DENND4A: variants seen among roughly 807,000 people sequenced by gnomAD.
DENND4A encodes C-myc promoter-binding protein.
Under a neutral mutation model 199.3 loss-of-function variants are expected in DENND4A, and 70 were observed. The observed-to-expected ratio is 0.35, with a 90% CI of 0.29 to 0.43. DENND4A has a LOEUF of 0.43. DENND4A is among the 20% of genes least tolerant of loss of function. The pLI, the probability that DENND4A is intolerant of heterozygous loss-of-function variation, is 1.00. For missense variants in DENND4A, 1,723 were observed against 2,255.8 expected, an observed-to-expected ratio of 0.76 and a Z score of 4.78; for synonymous variants, 686 against 766.9, an observed-to-expected ratio of 0.89 and a Z score of 1.74.
At chr15:65,702,031 G>A in intron 17 of DENND4A, 141 bp from the exon 18 acceptor site, 4 of 1,200,724 alleles carry the variant, frequency 3.3e-6, no homozygotes, top group East Asian at 2.3e-5. Context: ...GGGAGGGCAA[G>A]GCAGGTGAAG....
chr15:65,719,148 A>G (rs1259879811), intron 12 of DENND4A: 1 of 151,798 alleles, frequency 6.6e-6, no homozygotes, highest in African/African-American at 2.4e-5. Context: ...AAACATACAT[A>G]TTTTATATAA....
chr15:65,707,180 G>A (rs986070434), intron 14 of DENND4A, among the ~76,000 whole-genome samples: 2 of 151,798 alleles, frequency 1.3e-5, no homozygotes, highest in African/African-American at 2.4e-5. Flanking sequence ...CTAGATACTC[G>A]ATAGCAAGGT....
chr15:65,682,519 T>C (rs2076614748), intron 23 of DENND4A, among the ~76,000 whole-genome samples: 1 of 152,228 alleles, frequency 6.6e-6, no homozygotes, highest in Admixed American at 6.5e-5. Flanking sequence ...AAGGGAATAT[T>C]GTGGCTGATG....
At chr15:65,728,360 T>G (rs2075867171) in intron 11 of DENND4A, among the ~76,000 whole-genome samples, 1 of 152,218 alleles carries the variant, frequency 6.6e-6, no homozygotes, top group South Asian at 2.1e-4. Context: ...GAAATATTAA[T>G]CAAAGAATGG....
chr15:65,779,864 G>A (rs545669548), intron 1 of DENND4A, among the ~76,000 whole-genome samples: 18 of 152,232 alleles, frequency 1.2e-4, no homozygotes, highest in African/African-American at 4.3e-4. Flanking sequence ...TGGCCAGGCT[G>A]GGATTACAGG....
chr15:65,683,453 C>G (rs1404167403), intron 23 of DENND4A, among the ~76,000 whole-genome samples: 1 of 152,014 alleles, frequency 6.6e-6, no homozygotes, highest in Non-Finnish European at 1.5e-5. Flanking sequence ...TTTCTAGTTT[C>G]TTAAGGCAGA....
chr15:65,783,123 CA>C (rs889609669), intron 1 of DENND4A, among the ~76,000 whole-genome samples: 4 of 152,002 alleles, frequency 2.6e-5, no homozygotes, highest in African/African-American at 9.7e-5. Flanking sequence ...ATACAGATGT[CA>C]GGGGAAAAGG....
chr15:65,662,386 A>T (rs1011017105), intron 32 of DENND4A, among the ~76,000 whole-genome samples: 2 of 151,992 alleles, frequency 1.3e-5, no homozygotes, highest in Non-Finnish European at 2.9e-5. Context: ...TTCAACAGAA[A>T]TTTTTTTTGG....
At chr15:65,694,537 A>G (rs1230456089) in intron 22 of DENND4A, among the ~76,000 whole-genome samples, 1 of 152,188 alleles carries the variant, frequency 6.6e-6, no homozygotes, top group East Asian at 1.9e-4. Context: ...TTCTACTCCC[A>G]TATATGTATA....
At chr15:65,725,690 A>AG (rs2075784990) in intron 11 of DENND4A, among the ~76,000 whole-genome samples, 1 of 40,776 alleles carries the variant, frequency 2.5e-5, no homozygotes, top group East Asian at 1.7e-3. Flanking sequence ...AAATAAAAAT[A>AG]AAAAAAATAA....
rs553552094 is a variant in DENND4A, at chr15:65,663,100, C to T, written c.5588-1113G>A. Among the ~76,000 whole-genome samples, 15 of 151,028 alleles carry T rather than the reference C, an allele frequency of 9.9e-5. No individual in the cohort carries two copies. In the South Asian group the frequency reaches 3.1e-3, roughly 32 times the overall value. On this transcript the variant is annotated intron_variant, in intron 32 of 32. Coordinates refer to ENST00000443035, the MANE Select transcript of DENND4A (RefSeq NM_001320835.1). The stretch of plus-strand genomic sequence containing the variant: ...AAGTTCTGGCATCTTTCTCAAGTGG[C>T]TAGAATGACTATCCCAATGCCATTT...
chr15:65,752,428 C>A lies in DENND4A; in HGVS notation c.512G>T (p.Ser171Ile). 1 of 1,610,806 alleles carries A rather than the reference C, an allele frequency of 6.2e-7. No individual in the cohort carries two copies. Among genetic ancestry groups the A allele is most frequent in the South Asian group, 1.1e-5 (1 of 90,946 alleles). The change falls in exon 4 of 33, where the codon AGC becomes ATC. Residue 171 changes from serine to isoleucine, a missense_variant. Coordinates refer to ENST00000443035, the MANE Select transcript of DENND4A (RefSeq NM_001320835.1). The stretch of plus-strand genomic sequence containing the variant: ...GACTTTGCAGAACGTGTGTGGTGGG[C>A]TTTCTCCTTTACTGGGTATAATAAT... ...ICIIIPSKGESPPHTFCKVDK... is the reference protein window; with the variant it reads ...ICIIIPSKGEIPPHTFCKVDK...
At chr15:65,674,259 A>G (rs1438677394) in intron 24 of DENND4A, among the ~76,000 whole-genome samples, 1 of 152,242 alleles carries the variant, frequency 6.6e-6, no homozygotes, top group African/African-American at 2.4e-5. Context: ...TGTTTTCAAA[A>G]AAACACTTCA....
At chr15:65,739,274 T>A (rs950531292) in intron 5 of DENND4A, among the ~76,000 whole-genome samples, 1 of 152,194 alleles carries the variant, frequency 6.6e-6, no homozygotes, top group Non-Finnish European at 1.5e-5. Context: ...TTTTACACAT[T>A]AAAATTCATA....
intron 25 of DENND4A, among the ~76,000 whole-genome samples, chr15:65,671,422 C>T (rs891825655): frequency 2.6e-5 from 4 of 152,190 alleles, no homozygotes; most frequent in Admixed American, 2.6e-4. Flanking sequence ...TGGAGTCTTG[C>T]TCTGTCGCCC....
At chr15:65,737,275 T>C (rs1232654393) in intron 7 of DENND4A, among the ~76,000 whole-genome samples, 3 of 152,174 alleles carry the variant, frequency 2.0e-5, no homozygotes, top group Admixed American at 1.3e-4. Flanking sequence ...CTCAGGCTGG[T>C]CTCAAACTCC....
At chr15:65,679,811 TTTA>T (rs2076509694) in intron 23 of DENND4A, among the ~76,000 whole-genome samples, 3 of 152,064 alleles carry the variant, frequency 2.0e-5, no homozygotes, top group African/African-American at 7.2e-5. Context: ...CAGGCCACCC[TTTA>T]GAGTGCCTGG....
intron 19 of DENND4A, 95 bp from the exon 20 acceptor site, chr15:65,700,770 AC>A (rs1462687146): frequency 1.6e-6 from 2 of 1,287,784 alleles, no homozygotes; most frequent in African/African-American, 3.1e-5. Context: ...GTAATACTGA[AC>A]ATGAAAAGTG....
chr15:65,735,857 C>T (rs539445015), intron 7 of DENND4A, among the ~76,000 whole-genome samples: 4 of 151,988 alleles, frequency 2.6e-5, no homozygotes, highest in Admixed American at 1.3e-4. Flanking sequence ...TCTAGGAGGC[C>T]GAGGCAGGTG....
Sources: gnomAD v4.1 joint callset for allele counts (sites outside exome capture counted in the v4.1 genomes callset) on GRCh38, gnomAD v4.1.1 for gene constraint, MANE v1.5 for transcripts, NCBI Gene and HGNC (gene_info 2026-07-23, HGNC 2026-07-21) for gene names.